Variants in COL6A5 observed in about 807,000 individuals in gnomAD.
COL6A5 encodes the protein collagen alpha-5(VI) chain.
Under a neutral mutation model 65.6 loss-of-function variants are expected in COL6A5, and 48 were observed. That is an observed-to-expected ratio of 0.73 (90% CI 0.58 to 0.93). The LOEUF (loss-of-function observed/expected upper bound fraction) is 0.93. Ranked by LOEUF, COL6A5 falls within the 40% of genes least tolerant of loss-of-function variation. The pLI, the probability that COL6A5 is intolerant of heterozygous loss-of-function variation, is 0.00. For missense variants in COL6A5, 914 were observed against 928.3 expected, an observed-to-expected ratio of 0.98 and a Z score of 0.20; for synonymous variants, 291 against 322.8, an observed-to-expected ratio of 0.90 and a Z score of 1.05.
At chr3:130,446,309 A>G (rs938938587) in intron 4 of COL6A5, among the ~76,000 whole-genome samples, 1 of 152,164 alleles carries the variant, frequency 6.6e-6, no homozygotes, top group African/African-American at 2.4e-5. Context: ...GAAAAGGCAC[A>G]TAAGCCCAAT....
intron 5 of COL6A5, among the ~76,000 whole-genome samples, chr3:130,462,524 A>G (rs542664492): frequency 5.7e-4 from 87 of 152,242 alleles, no homozygotes; most frequent in Admixed American, 1.5e-3. Flanking sequence ...TAATTAGGAT[A>G]TGCACAGCAT....
At chr3:130,368,798 C>T (rs1056055819) in intron 1 of COL6A5, among the ~76,000 whole-genome samples, 1 of 152,070 alleles carries the variant, frequency 6.6e-6, no homozygotes, top group African/African-American at 2.4e-5. Context: ...GGACAGCCAG[C>T]ACAGGAAAAT....
At chr3:130,416,812 G>A in exon 24 of COL6A5, 1 of 1,498,398 alleles carries the variant, frequency 6.7e-7, no homozygotes, top group Admixed American at 2.2e-5. Flanking sequence ...GGACTTTTGG[G>A]GAAAAAAGTA....
chr3:130,371,041 G>T (rs1935535120), intron 1 of COL6A5, among the ~76,000 whole-genome samples: 1 of 152,132 alleles, frequency 6.6e-6, no homozygotes, highest in Non-Finnish European at 1.5e-5. Flanking sequence ...AAAGAAGGAT[G>T]TATACACAGC....
chr3:130,449,459 C>T (rs1425881252), intron 4 of COL6A5, among the ~76,000 whole-genome samples: 1 of 152,120 alleles, frequency 6.6e-6, no homozygotes, highest in Non-Finnish European at 1.5e-5. Flanking sequence ...CTGAATTGTG[C>T]CCTTTTGACC....
intron 1 of COL6A5, among the ~76,000 whole-genome samples, chr3:130,438,677 G>A (rs1709096649): frequency 6.6e-6 from 1 of 152,162 alleles, no homozygotes; most frequent in African/African-American, 2.4e-5. Context: ...CCTTTAATTT[G>A]CTCAGAGAGA....
chr3:130,389,901 A>G (rs1219712070), intron 6 of COL6A5, among the ~76,000 whole-genome samples: 2 of 152,224 alleles, frequency 1.3e-5, no homozygotes, highest in Non-Finnish European at 2.9e-5. Context: ...TACAACTAAG[A>G]AAACAAACCC....
intron 22 of COL6A5, among the ~76,000 whole-genome samples, chr3:130,414,472 G>C (rs1439319426): frequency 6.6e-6 from 1 of 152,062 alleles, no homozygotes; most frequent in Non-Finnish European, 1.5e-5. Context: ...GCATACACAG[G>C]CTCCCACAAA....
At chr3:130,484,296 G>A in exon 8 of COL6A5, 2 of 518,638 alleles carry the variant, frequency 3.9e-6, no homozygotes, top group South Asian at 3.6e-5. Context: ...CTGAGAACTG[G>A]GGAAACCGAC....
intron 3 of COL6A5, among the ~76,000 whole-genome samples, chr3:130,442,675 A>T (rs1023968864): frequency 6.6e-6 from 1 of 152,206 alleles, no homozygotes; most frequent in Non-Finnish European, 1.5e-5. Flanking sequence ...CTGTTCCCAC[A>T]TGCACAGGCA....
At chr3:130,475,244 A>ATTG (rs1710064816) in intron 7 of COL6A5, among the ~76,000 whole-genome samples, 1 of 151,866 alleles carries the variant, frequency 6.6e-6, no homozygotes, top group Non-Finnish European at 1.5e-5. Context: ...AATGACCAAA[A>ATTG]ATCCCCCCAA....
At chr3:130,453,399 G>T (rs551151172) in intron 4 of COL6A5, among the ~76,000 whole-genome samples, 16 of 152,164 alleles carry the variant, frequency 1.1e-4, no homozygotes, top group African/African-American at 3.6e-4. Context: ...CTGACTTCCC[G>T]CAACAGAAGC....
chr3:130,422,406 A>G (rs1247654435), intron 27 of COL6A5, among the ~76,000 whole-genome samples: 3 of 152,024 alleles, frequency 2.0e-5, no homozygotes, highest in Non-Finnish European at 2.9e-5. Flanking sequence ...TATTTATTTC[A>G]TATAGTCAAT....
At chr3:130,481,506 A>G (rs1710239507) in intron 7 of COL6A5, among the ~76,000 whole-genome samples, 1 of 152,110 alleles carries the variant, frequency 6.6e-6, no homozygotes, top group Non-Finnish European at 1.5e-5. Context: ...CAGTAAATAT[A>G]CGTGTGCATG....
chr3:130,417,110 G>C (rs1388615193), intron 24 of COL6A5, among the ~76,000 whole-genome samples: 1 of 151,540 alleles, frequency 6.6e-6, no homozygotes, highest in African/African-American at 2.4e-5. Context: ...ACAGACCCTA[G>C]TGTGTGATGT....
In COL6A5 at chr3:130,484,018, A is replaced by T; in HGVS notation, c.2329-17A>T. On this transcript the variant is annotated splice_polypyrimidine_tract_variant and intron_variant, in intron 7 of 7. Transcript: ENST00000512836. ...TACAATGACATTAAAAGCAGTGAATATTGTTATATTTTGCAGATGGTGAAG... is the reference window on the plus strand; with the variant it reads ...TACAATGACATTAAAAGCAGTGAATTTTGTTATATTTTGCAGATGGTGAAG... 6.2e-7 allele frequency: 1 copy of T among 1,605,554 alleles called. No individual in the cohort carries two copies. Among genetic ancestry groups the T allele is most frequent in the Non-Finnish European group, 8.5e-7 (1 of 1,175,444 alleles).
At chr3:130,450,682 A>G (rs1278949467) in intron 4 of COL6A5, among the ~76,000 whole-genome samples, 1 of 152,200 alleles carries the variant, frequency 6.6e-6, no homozygotes, top group Non-Finnish European at 1.5e-5. Flanking sequence ...CATCAGAGAC[A>G]GGTTTTTCAA....
intron 1 of COL6A5, among the ~76,000 whole-genome samples, chr3:130,346,724 G>T (rs759170387): frequency 6.6e-6 from 1 of 152,200 alleles, no homozygotes; most frequent in African/African-American, 2.4e-5. Context: ...ATAAGTTGAT[G>T]TAGTGCTTCA....
At chr3:130,397,958 T>G in intron 9 of COL6A5, 35 bp downstream of exon 9, 2 of 1,544,328 alleles carry the variant, frequency 1.3e-6, no homozygotes, top group South Asian at 2.4e-5. Context: ...CATCTCCACA[T>G]TCTCCCATTT....
Sources: allele counts gnomAD v4.1 joint callset (sites outside exome capture counted in the v4.1 genomes callset), GRCh38; gene constraint gnomAD v4.1.1; transcripts MANE v1.5; gene names NCBI Gene and HGNC (gene_info 2026-07-23, HGNC 2026-07-21).